The following LRRC8D variants were observed in gnomAD, a reference collection of about 807,000 sequenced individuals.
The protein encoded by LRRC8D is leucine rich repeat containing 8 VRAC subunit D.
LRRC8D carries 20 observed loss-of-function variants against 55.8 expected under a neutral mutation model. The observed-to-expected ratio is 0.36, with a 90% CI of 0.25 to 0.52. The LOEUF is 0.52. Ranked by LOEUF, LRRC8D falls within the 20% of genes least tolerant of loss-of-function variation. The pLI, the probability that LRRC8D is intolerant of heterozygous loss-of-function variation, is 0.93. For missense variants in LRRC8D, 651 were observed against 1,030.8 expected, an observed-to-expected ratio of 0.63 and a Z score of 5.05; for synonymous variants, 352 against 377.0, an observed-to-expected ratio of 0.93 and a Z score of 0.77.
At chr1:89,891,541 A>G (rs1458872553) in intron 2 of LRRC8D, among the ~76,000 whole-genome samples, 1 of 152,196 alleles carries the variant, frequency 6.6e-6, no homozygotes, top group Non-Finnish European at 1.5e-5. Flanking sequence ...AGTGTTTATC[A>G]GTGTCTTGTG....
chr1:89,932,003 C>G (rs977899014), intron 2 of LRRC8D, among the ~76,000 whole-genome samples: 1 of 152,286 alleles, frequency 6.6e-6, no homozygotes, highest in African/African-American at 2.4e-5. Flanking sequence ...TTGAAACATT[C>G]AGTTCATGCA....
At position 89,925,559 on chromosome 1, in the gene LRRC8D, T is replaced by C. The variant is rs150249554; in HGVS notation, c.-2-7508T>C. On this transcript the variant is annotated intron_variant, in intron 2 of 2. Coordinates refer to ENST00000337338, the MANE Select transcript of LRRC8D (RefSeq NM_001134479.2). ...CAAGCCTTAGCAACTAGTTTACCCA[T>C]GTTACAAACCTGCACATGTACACCC... Among the ~76,000 whole-genome samples, 4 of 152,302 alleles carry C rather than the reference T, an allele frequency of 2.6e-5. No homozygotes were observed. In the East Asian group the frequency reaches 7.7e-4, roughly 29 times the overall value.
chr1:89,886,267 A>G (rs1362702567), intron 2 of LRRC8D, among the ~76,000 whole-genome samples: 1 of 152,156 alleles, frequency 6.6e-6, no homozygotes, highest in Non-Finnish European at 1.5e-5. Flanking sequence ...AAGTCTCAAG[A>G]CAGGGAGGTG....
At chr1:89,879,299 C>T (rs1171692109) in intron 2 of LRRC8D, among the ~76,000 whole-genome samples, 12 of 152,096 alleles carry the variant, frequency 7.9e-5, no homozygotes, top group Non-Finnish European at 1.3e-4. Context: ...TATCAATTTC[C>T]TGGGGGTATA....
intron 2 of LRRC8D, among the ~76,000 whole-genome samples, chr1:89,894,574 G>A (rs1344992021): frequency 6.6e-6 from 1 of 152,196 alleles, no homozygotes; most frequent in Non-Finnish European, 1.5e-5. Context: ...CAGAGTCATA[G>A]CCCATTGGGT....
chr1:89,883,167 A>G lies in LRRC8D; in HGVS notation c.-3+39385A>G, dbSNP rs539541164. 8.5e-5 allele frequency among the ~76,000 whole-genome samples: 13 copies of G among 152,158 alleles called. No homozygotes were observed. In the South Asian group the frequency reaches 2.5e-3, roughly 29 times the overall value. On this transcript the variant is annotated intron_variant, in intron 2 of 2. Coordinates refer to ENST00000337338, the MANE Select transcript of LRRC8D (RefSeq NM_001134479.2). ...GATCACGCCTGTGAATAGCCACTGC[A>G]CTTTCACCGGGGCAGCTTAGTGAGA...
chr1:89,866,880 TAG>T (rs1661864323), intron 2 of LRRC8D, among the ~76,000 whole-genome samples: 1 of 152,158 alleles, frequency 6.6e-6, no homozygotes, highest in Non-Finnish European at 1.5e-5. Flanking sequence ...ATCAATCAGA[TAG>T]ATACTTACAC....
At chr1:89,860,111 A>G (rs1259090606) in intron 2 of LRRC8D, among the ~76,000 whole-genome samples, 1 of 152,222 alleles carries the variant, frequency 6.6e-6, no homozygotes, top group Non-Finnish European at 1.5e-5. Flanking sequence ...TCACTGGTTA[A>G]TGAGCCTTTT....
intron 2 of LRRC8D, among the ~76,000 whole-genome samples, chr1:89,898,923 C>G (rs1045040918): frequency 3.3e-5 from 5 of 152,212 alleles, no homozygotes; most frequent in African/African-American, 1.2e-4. Context: ...AGTGTCCATA[C>G]TGTGATGTGC....
intron 2 of LRRC8D, among the ~76,000 whole-genome samples, chr1:89,893,266 A>T (rs1460429080): frequency 6.6e-6 from 1 of 152,194 alleles, no homozygotes; most frequent in African/African-American, 2.4e-5. Context: ...CTGCAGAGGG[A>T]TGAGCACGTG....
At chr1:89,841,614 A>T (rs1274449354) in intron 1 of LRRC8D, among the ~76,000 whole-genome samples, 1 of 152,216 alleles carries the variant, frequency 6.6e-6, no homozygotes, top group Non-Finnish European at 1.5e-5. Flanking sequence ...AGAAAAAATA[A>T]TGCAGGAATC....
chr1:89,918,706 GA>G lies in LRRC8D; in HGVS notation c.-2-14360del, dbSNP rs553202002. Among the ~76,000 whole-genome samples, 588 of 152,294 alleles carry G rather than the reference GA, an allele frequency of 3.9e-3. 2 individuals carry two copies. The highest frequency in any genetic ancestry group is 5.6e-3 in the Non-Finnish European group (379 of 68,024). ...GTTTTCCTGTAGAGTGCTTAATTAT[GA>G]GTCAAACTACATGCAGGTGGTCTAT... On this transcript the variant is annotated intron_variant, in intron 2 of 2. Transcript: ENST00000337338.
intron 2 of LRRC8D, among the ~76,000 whole-genome samples, chr1:89,924,486 G>T (rs905899220): frequency 6.6e-6 from 1 of 152,188 alleles, no homozygotes; most frequent in Admixed American, 6.5e-5. Flanking sequence ...AATTAGTTCA[G>T]CCACTGTGGA....
intron 2 of LRRC8D, among the ~76,000 whole-genome samples, chr1:89,904,607 T>C (rs758043639): frequency 3.9e-5 from 6 of 152,216 alleles, no homozygotes; most frequent in African/African-American, 1.4e-4. Flanking sequence ...TGGAGCTCTA[T>C]TGGCCACTCC....
At chr1:89,920,806 G>A (rs1431212354) in intron 2 of LRRC8D, among the ~76,000 whole-genome samples, 1 of 151,640 alleles carries the variant, frequency 6.6e-6, no homozygotes, top group East Asian at 1.9e-4. Flanking sequence ...TGGGTGTGCT[G>A]TGTGAGTATC....
At chr1:89,853,836 G>A (rs1415727543) in intron 2 of LRRC8D, among the ~76,000 whole-genome samples, 1 of 152,166 alleles carries the variant, frequency 6.6e-6, no homozygotes, top group Non-Finnish European at 1.5e-5. Context: ...AGAAGTGGGG[G>A]CATCAAATGG....
chr1:89,896,781 C>T (rs1662724977), intron 2 of LRRC8D, among the ~76,000 whole-genome samples: 1 of 152,040 alleles, frequency 6.6e-6, no homozygotes, highest in South Asian at 2.1e-4. Flanking sequence ...CTCTCTGTCT[C>T]CTCTCTTTTC....
chr1:89,849,665 A>C (rs531371821), intron 2 of LRRC8D, among the ~76,000 whole-genome samples: 95 of 152,022 alleles, frequency 6.2e-4, no homozygotes, highest in Non-Finnish European at 1.1e-3. Context: ...CTTTTCCATG[A>C]ATTGTCTTTT....
In LRRC8D at chr1:89,882,274, A is replaced by G. The variant is rs1298516016; in HGVS notation, c.-3+38492A>G. ...GTGCCCCAGGAACACAAAGGTGAAT[A>G]AGGTAGAGATATCCCTGCTGTCATG... On this transcript the variant is annotated intron_variant, in intron 2 of 2. Transcript: ENST00000337338. Among the ~76,000 whole-genome samples, 3 of 152,248 alleles carry G rather than the reference A, an allele frequency of 2.0e-5. No homozygotes were observed. In the East Asian group the frequency reaches 5.8e-4, roughly 29 times the overall value.
Sources: gnomAD v4.1 joint callset for allele counts (sites outside exome capture counted in the v4.1 genomes callset) on GRCh38, gnomAD v4.1.1 for gene constraint, MANE v1.5 for transcripts, NCBI Gene and HGNC (gene_info 2026-07-23, HGNC 2026-07-21) for gene names.